Variants in RANBP2 observed in about 807,000 individuals in gnomAD.
RANBP2 encodes the protein RAN binding protein 2.
In RANBP2, 57 loss-of-function variants were observed where a neutral mutation model predicts 303.6. That is an observed-to-expected ratio of 0.19 (90% CI 0.15 to 0.23). The LOEUF (loss-of-function observed/expected upper bound fraction) is 0.23. Among genes scored for constraint, RANBP2 ranks in the 10% least tolerant of loss-of-function variants. The probability of loss-of-function intolerance (pLI) is 1.00; values close to 1 mark genes in which losing one functional copy is unlikely to be tolerated. For synonymous variants in RANBP2, 1,167 were observed against 1,301.5 expected, an observed-to-expected ratio of 0.90 and a Z score of 2.23; for missense variants, 3,138 against 3,780.8, an observed-to-expected ratio of 0.83 and a Z score of 4.46.
chr2:109,658,756 C>T, the RANBP2 span, among the ~76,000 whole-genome samples: 2 of 151,820 alleles, frequency 1.3e-5, no homozygotes, highest in African/African-American at 4.8e-5. Context: ...CATTGGGAAA[C>T]CCCGTCTCTA....
the RANBP2 span, chr2:108,929,320 C>T: frequency 5.0e-6 from 8 of 1,614,142 alleles, no homozygotes; most frequent in Non-Finnish European, 6.8e-6. Context: ...CTTTGGAAAA[C>T]TTCTCCGCCG....
the RANBP2 span, among the ~76,000 whole-genome samples, chr2:109,025,538 T>C: frequency 2.6e-5 from 4 of 152,204 alleles, no homozygotes; most frequent in African/African-American, 7.2e-5. Flanking sequence ...GCGGGTGCGG[T>C]GGCTCACGCC....
chr2:109,168,242 A>G, the RANBP2 span, among the ~76,000 whole-genome samples: 18 of 152,328 alleles, frequency 1.2e-4, no homozygotes, highest in South Asian at 2.7e-3. Context: ...GATCAAAACT[A>G]TACATTTTCA....
At chr2:108,757,985 G>A (rs1336877345) in intron 17 of RANBP2, among the ~76,000 whole-genome samples, 3 of 152,070 alleles carry the variant, frequency 2.0e-5, no homozygotes, top group African/African-American at 7.2e-5. Context: ...GAACTCACTG[G>A]CAAATAGAAA....
chr2:108,856,951 C>A, the RANBP2 span: 2 of 1,601,200 alleles, frequency 1.2e-6, no homozygotes, highest in Non-Finnish European at 1.7e-6. Context: ...ATAGTTTGCT[C>A]CAGATGACGG....
the RANBP2 span, among the ~76,000 whole-genome samples, chr2:109,359,709 C>T: frequency 6.6e-6 from 1 of 152,236 alleles, no homozygotes; most frequent in South Asian, 2.1e-4. Context: ...ATATTCCACA[C>T]CTGACCTTAT....
At chr2:109,129,336 CCGCCACGCAGGCCGG>C in the RANBP2 span, 13 of 1,408 alleles carry the variant, frequency 9.2e-3, no homozygotes, top group South Asian at 0.033. Context: ...TGGCCGGTCC[CCGCCACGCAGGCCGG>C]TCCCCGCCAC....
chr2:109,391,837 G>A, the RANBP2 span, among the ~76,000 whole-genome samples: 2 of 151,906 alleles, frequency 1.3e-5, no homozygotes, highest in African/African-American at 4.8e-5. Context: ...CTAAAAATAT[G>A]GTCTTCTTTT....
At chr2:108,782,440 G>A (rs1379616671) in intron 27 of RANBP2, 39 bp downstream of exon 27, 43 of 1,613,490 alleles carry the variant, frequency 2.7e-5, no homozygotes, top group Middle Eastern at 1.6e-4. Context: ...TCATTTTTTG[G>A]ACTTTTCTAA....
the RANBP2 span, among the ~76,000 whole-genome samples, chr2:109,619,336 T>A: frequency 6.6e-6 from 1 of 151,754 alleles, no homozygotes; most frequent in East Asian, 1.9e-4. Flanking sequence ...CACCACTACC[T>A]AAAAAAAAGC....
At chr2:108,907,971 G>A in the RANBP2 span, 19 of 1,613,116 alleles carry the variant, frequency 1.2e-5, no homozygotes, top group Middle Eastern at 3.3e-4. Flanking sequence ...CATCACTGTC[G>A]ACGCTCCGGC....
chr2:109,309,253 GTGATTTTTGTACAT>G, the RANBP2 span, among the ~76,000 whole-genome samples: 1 of 146,348 alleles, frequency 6.8e-6, no homozygotes, highest in African/African-American at 2.7e-5. Flanking sequence ...AAGAATGCTT[GTGATTTTTGTACAT>G]TGATTTTGTA....
chr2:109,748,709 C>T, the RANBP2 span, among the ~76,000 whole-genome samples: 4 of 150,114 alleles, frequency 2.7e-5, no homozygotes, highest in Admixed American at 6.7e-5. Context: ...CCCATCTCTA[C>T]GAAAAACACA....
the RANBP2 span, among the ~76,000 whole-genome samples, chr2:109,040,422 G>C: frequency 6.6e-6 from 1 of 152,002 alleles, no homozygotes; most frequent in East Asian, 1.9e-4. Flanking sequence ...TTTTTTTGAA[G>C]AGTGCTCGAC....
the RANBP2 span, among the ~76,000 whole-genome samples, chr2:109,269,472 C>T: frequency 2.0e-5 from 3 of 152,150 alleles, no homozygotes; most frequent in Non-Finnish European, 2.9e-5. Flanking sequence ...CTTTAAGCAC[C>T]AGGTAGTGCT....
the RANBP2 span, among the ~76,000 whole-genome samples, chr2:109,193,441 C>A: frequency 6.6e-6 from 1 of 152,196 alleles, no homozygotes; most frequent in Non-Finnish European, 1.5e-5. Flanking sequence ...CTTACTGTCA[C>A]CCCAGCTCTG....
At chr2:109,453,135 G>A in the RANBP2 span, among the ~76,000 whole-genome samples, 4 of 152,268 alleles carry the variant, frequency 2.6e-5, no homozygotes, top group East Asian at 5.8e-4. Flanking sequence ...AGACAGAGTG[G>A]CAGTTCTTTC....
the RANBP2 span, among the ~76,000 whole-genome samples, chr2:108,970,444 T>A: frequency 2.0e-5 from 3 of 152,052 alleles, no homozygotes; most frequent in African/African-American, 7.2e-5. Flanking sequence ...GTGAGGAGGA[T>A]CCTGACATTG....
the RANBP2 span, among the ~76,000 whole-genome samples, chr2:109,453,443 T>C: frequency 6.6e-6 from 1 of 152,248 alleles, no homozygotes; most frequent in Non-Finnish European, 1.5e-5. Context: ...GTGACAGTTT[T>C]CTGGTTTTGA....
Sources: gnomAD v4.1 joint callset for allele counts (sites outside exome capture counted in the v4.1 genomes callset) on GRCh38, gnomAD v4.1.1 for gene constraint, MANE v1.5 for transcripts, NCBI Gene and HGNC (gene_info 2026-07-23, HGNC 2026-07-21) for gene names.